SAMD4A: variants seen among roughly 807,000 people sequenced by gnomAD.
The protein encoded by SAMD4A is protein Smaug homolog 1.
Under a neutral mutation model 81.3 loss-of-function variants are expected in SAMD4A, and 33 were observed. The ratio of observed to expected loss-of-function variants is 0.41; its 90% CI spans 0.31 to 0.54. SAMD4A has a LOEUF of 0.54. SAMD4A is among the 20% of genes least tolerant of loss of function. SAMD4A has a pLI of 0.37. For synonymous variants in SAMD4A, 389 were observed against 382.1 expected (o/e 1.02, Z -0.21); for missense variants, 854 against 951.1 (o/e 0.90, Z 1.34).
chr14:54,640,460 A>G (rs1001800901), intron 2 of SAMD4A, among the ~76,000 whole-genome samples: 1 of 152,140 alleles, frequency 6.6e-6, no homozygotes, highest in African/African-American at 2.4e-5. Flanking sequence ...ATTTTGGTTG[A>G]TGGGACTCAC....
intron 4 of SAMD4A, among the ~76,000 whole-genome samples, chr14:54,741,181 C>T (rs561696951): frequency 6.6e-6 from 1 of 152,250 alleles, no homozygotes; most frequent in East Asian, 1.9e-4. Context: ...ACCATTCTTT[C>T]CCTGGGCAAC....
At chr14:54,733,017 A>G (rs892041111) in intron 3 of SAMD4A, among the ~76,000 whole-genome samples, 1 of 152,196 alleles carries the variant, frequency 6.6e-6, no homozygotes, top group African/African-American at 2.4e-5. Flanking sequence ...ATGCAGAGCC[A>G]GGTGTCATAT....
chr14:54,702,952 C>T, intron 3 of SAMD4A: 1 of 196,128 alleles, frequency 5.1e-6, no homozygotes. Flanking sequence ...TTCTCTAAAC[C>T]TAATTCTAAC....
intron 11 of SAMD4A, among the ~76,000 whole-genome samples, chr14:54,783,871 CAG>C (rs1392579095): frequency 1.3e-5 from 2 of 152,218 alleles, no homozygotes; most frequent in African/African-American, 4.8e-5. Context: ...GCTCTAGGCA[CAG>C]GGGGCAGAGC....
chr14:54,565,361 C>T (rs2032899664), upstream of SAMD4A, among the ~76,000 whole-genome samples: 1 of 152,256 alleles, frequency 6.6e-6, no homozygotes, highest in Non-Finnish European at 1.5e-5. The surrounding 1 kb of genome is among the most constrained non-coding windows in gnomAD (Gnocchi z 5.4). Context: ...CGACCGGTCT[C>T]AGGAGTTCGG....
intron 3 of SAMD4A, chr14:54,703,710 A>G (rs1225049659): frequency 2.0e-5 from 3 of 152,148 alleles, no homozygotes; most frequent in Non-Finnish European, 4.4e-5. Flanking sequence ...TCTACCAAAA[A>G]ATACAAAAAT....
chr14:54,681,117 G>T (rs1325104190), intron 2 of SAMD4A, among the ~76,000 whole-genome samples: 1 of 152,194 alleles, frequency 6.6e-6, no homozygotes, highest in Non-Finnish European at 1.5e-5. Context: ...GCAGTGAACC[G>T]ATGGGGGACC....
At chr14:54,744,464 A>G (rs2085397319) in intron 4 of SAMD4A, among the ~76,000 whole-genome samples, 1 of 152,220 alleles carries the variant, frequency 6.6e-6, no homozygotes, top group Non-Finnish European at 1.5e-5. Context: ...ATGATTTAAA[A>G]CTGAATCCCA....
intron 7 of SAMD4A, among the ~76,000 whole-genome samples, chr14:54,762,605 C>T (rs17127918): frequency 0.084 from 12,740 of 152,192 alleles, 1,338 homozygotes; most frequent in African/African-American, 0.25. Flanking sequence ...GAACACGCGG[C>T]ACATCGCCCT....
chr14:54,659,582 T>C (rs2035594798), intron 2 of SAMD4A, among the ~76,000 whole-genome samples: 2 of 152,224 alleles, frequency 1.3e-5, no homozygotes, highest in Admixed American at 1.3e-4. Context: ...TGTCTCATTC[T>C]TCAGCAAATA....
chr14:54,683,292 G>A (rs2036173614), intron 2 of SAMD4A, among the ~76,000 whole-genome samples: 1 of 152,226 alleles, frequency 6.6e-6, no homozygotes, highest in Non-Finnish European at 1.5e-5. Context: ...GACCATGCCA[G>A]GTTAGTGAGA....
At chr14:54,766,002 C>T (rs2038530548) in intron 8 of SAMD4A, among the ~76,000 whole-genome samples, 1 of 152,152 alleles carries the variant, frequency 6.6e-6, no homozygotes, top group Admixed American at 6.5e-5. Context: ...TGACCAGCCG[C>T]CTAGGTTGGG....
chr14:54,653,387 A>G (rs2035451462), intron 2 of SAMD4A, among the ~76,000 whole-genome samples: 1 of 150,282 alleles, frequency 6.7e-6, no homozygotes, highest in Admixed American at 6.6e-5. Context: ...CCCAGGGTGG[A>G]GTGCAGTGGC....
chr14:54,602,441 A>G (rs757389671), intron 2 of SAMD4A, among the ~76,000 whole-genome samples: 2 of 151,422 alleles, frequency 1.3e-5, no homozygotes, highest in Non-Finnish European at 2.9e-5. Flanking sequence ...TGTCTGTTCT[A>G]GTCTCTTCTG....
intron 2 of SAMD4A, among the ~76,000 whole-genome samples, chr14:54,657,991 C>A (rs1020389081): frequency 6.6e-6 from 1 of 152,118 alleles, no homozygotes; most frequent in Admixed American, 6.5e-5. Context: ...TTGAACTCCA[C>A]GAAGTAGATG....
At chr14:54,653,003 T>C (rs1315009499) in intron 2 of SAMD4A, among the ~76,000 whole-genome samples, 1 of 152,144 alleles carries the variant, frequency 6.6e-6, no homozygotes, top group Non-Finnish European at 1.5e-5. Flanking sequence ...CCGTCCACTA[T>C]GAACCTCACG....
chr14:54,782,343 T>G (rs1440028060), intron 11 of SAMD4A, among the ~76,000 whole-genome samples: 3 of 152,174 alleles, frequency 2.0e-5, no homozygotes, highest in Non-Finnish European at 2.9e-5. Flanking sequence ...GTTTTTTTTT[T>G]TCATATTTGC....
rs1025153239 is a variant in SAMD4A at position 54,669,679 on chromosome 14, G to A, written c.197-32383G>A. Among the ~76,000 whole-genome samples, 11 of 152,082 alleles carry A rather than the reference G, an allele frequency of 7.2e-5. No individual in the cohort carries two copies. In the East Asian group the frequency reaches 1.5e-3, roughly 21 times the overall value. On this transcript the variant is annotated intron_variant, in intron 2 of 12. Transcript: ENST00000554335. ...TTGGTTTTTAACTAGGCCCCCACTA[G>A]GTATTGCTGTTCCTGCCTATAATTA...
chr14:54,748,571 G>A (rs1481779306), intron 4 of SAMD4A, among the ~76,000 whole-genome samples: 1 of 152,054 alleles, frequency 6.6e-6, no homozygotes, highest in African/African-American at 2.4e-5. Flanking sequence ...GAAGCTCATG[G>A]ACCCCAACTT....
Sources: allele counts gnomAD v4.1 joint callset (sites outside exome capture counted in the v4.1 genomes callset), GRCh38; gene constraint gnomAD v4.1.1; non-coding constraint Gnocchi (gnomAD v3.1); transcripts MANE v1.5; gene names NCBI Gene and HGNC (gene_info 2026-07-23, HGNC 2026-07-21).